The following VAMP8 variants were observed in gnomAD, a reference collection of about 807,000 sequenced individuals.
VAMP8 encodes vesicle-associated membrane protein 8.
Under a neutral mutation model 11.4 loss-of-function variants are expected in VAMP8, and 9 were observed. The observed-to-expected ratio is 0.79, with a 90% CI of 0.48 to 1.38. VAMP8 has a LOEUF of 1.38. Among genes scored for constraint, VAMP8 ranks in the 40% most tolerant of loss-of-function variants. The probability of loss-of-function intolerance (pLI) is 0.00; values close to 1 mark genes in which losing one functional copy is unlikely to be tolerated. For synonymous variants in VAMP8, 42 were observed against 44.7 expected, an observed-to-expected ratio of 0.94 and a Z score of 0.24; for missense variants, 108 against 127.8, an observed-to-expected ratio of 0.85 and a Z score of 0.75.
At position 85,579,834 on chromosome 2, in the gene VAMP8, G is replaced by C. The variant is rs956002372; in HGVS notation, c.162+667G>C. On this transcript the variant is annotated intron_variant, in intron 2 of 2. Coordinates refer to ENST00000263864, the MANE Select transcript of VAMP8 (RefSeq NM_003761.5). Reference sequence around the variant, plus strand: ...AGTTCTGTGTTCAGCGGGGAGGCTGGCTCTGGCTTTCTGAGTCCTGTGTGA... The same window carrying C: ...AGTTCTGTGTTCAGCGGGGAGGCTGCCTCTGGCTTTCTGAGTCCTGTGTGA... The C allele has an allele frequency of 3.2e-6, 5 of 1,550,536 alleles. No individual in the cohort carries two copies. The African/African-American group carries it at 6.8e-5, about 21-fold the overall frequency.
chr2:85,580,302 G>C (rs1672349165), intron 2 of VAMP8, among the ~76,000 whole-genome samples: 1 of 152,176 alleles, frequency 6.6e-6, no homozygotes, highest in South Asian at 2.1e-4. Context: ...GCATGGGGAA[G>C]AGTGGGTGGA....
chr2:85,578,744 G>A (rs982837327), intron 1 of VAMP8, among the ~76,000 whole-genome samples: 8 of 152,186 alleles, frequency 5.3e-5, no homozygotes, highest in African/African-American at 1.7e-4. Context: ...ATTTAGTGAT[G>A]TGCTGCTTTT....
At chr2:85,580,958 C>T (rs1467116162) in intron 2 of VAMP8, among the ~76,000 whole-genome samples, 2 of 152,048 alleles carry the variant, frequency 1.3e-5, no homozygotes, top group Middle Eastern at 3.4e-3. Flanking sequence ...CGTGAACCAC[C>T]GCACCCGGCC....
Position 85,579,185 on chromosome 2 carries a change from C to A in VAMP8, c.162+18C>A. 6.4e-7 allele frequency: 1 copy of A among 1,566,026 alleles called. No homozygotes were observed. Among genetic ancestry groups the A allele is most frequent in the South Asian group, 1.2e-5 (1 of 85,346 alleles). On this transcript the variant is annotated intron_variant, in intron 2 of 2. Coordinates refer to ENST00000263864, the MANE Select transcript of VAMP8 (RefSeq NM_003761.5). The stretch of plus-strand genomic sequence containing the variant: ...AAGCCACAGTGAGACAGGGAGCCCA[C>A]TGGGGGCTGGAGGAAAACAGGGAGG...
At chr2:85,580,276 T>C (rs975680275) in intron 2 of VAMP8, among the ~76,000 whole-genome samples, 3 of 152,088 alleles carry the variant, frequency 2.0e-5, no homozygotes, top group Non-Finnish European at 4.4e-5. Context: ...TTAGTGTCTA[T>C]AACTTGAATT....
chr2:85,580,054 C>T (rs769066922), intron 2 of VAMP8, among the ~76,000 whole-genome samples: 10 of 151,960 alleles, frequency 6.6e-5, no homozygotes, highest in Admixed American at 2.0e-4. Context: ...TGGGTTCAAA[C>T]GATTCTCGTG....
chr2:85,580,504 G>A (rs1289647273), intron 2 of VAMP8, among the ~76,000 whole-genome samples: 2 of 151,946 alleles, frequency 1.3e-5, no homozygotes, highest in Non-Finnish European at 2.9e-5. Flanking sequence ...GTGTAAGCAG[G>A]TGTCGAGGAC....
chr2:85,577,628 G>C lies in VAMP8; in HGVS notation c.-19G>C. Reference sequence around the variant, plus strand: ...ACTAGGCGAATTCACTTACTGACCGGCCTGGGCTGCTCTGAGACATGGTGA... The same window carrying C: ...ACTAGGCGAATTCACTTACTGACCGCCCTGGGCTGCTCTGAGACATGGTGA... On this transcript the variant is annotated 5_prime_UTR_variant, in exon 1 of 3. Transcript: ENST00000263864. 1.9e-6 allele frequency: 3 copies of C among 1,552,254 alleles called. No homozygotes were observed. The East Asian group carries it at 7.3e-5, about 38-fold the overall frequency.
At chr2:85,581,499 G>A (rs1032691633) in intron 2 of VAMP8, 77 bp from the exon 3 acceptor site, 102 of 1,562,676 alleles carry the variant, frequency 6.5e-5, no homozygotes, top group South Asian at 6.4e-4. Flanking sequence ...ATGGCCTGTG[G>A]GCTGCACTTG....
intron 2 of VAMP8, chr2:85,579,663 C>T (rs887388404): frequency 4.0e-6 from 6 of 1,505,190 alleles, no homozygotes; most frequent in African/African-American, 2.8e-5. Flanking sequence ...ATGCTTTGAT[C>T]CCAGGGTCCC....
In VAMP8 at chr2:85,581,760, C is replaced by A; in HGVS notation, c.*44C>A. The A allele has an allele frequency of 6.2e-7, 1 of 1,611,382 alleles. No homozygotes were observed. Among genetic ancestry groups the A allele is most frequent in the Non-Finnish European group, 8.5e-7 (1 of 1,178,242 alleles). On this transcript the variant is annotated 3_prime_UTR_variant, in exon 3 of 3. Transcript: ENST00000263864. Reference sequence around the variant, plus strand: ...CACCTGCCCTTCTCTTCAGGGACAACCCTCCATAAATGTGTGCCAAGAGGG... The same window carrying A: ...CACCTGCCCTTCTCTTCAGGGACAAACCTCCATAAATGTGTGCCAAGAGGG...
At chr2:85,580,417 C>T (rs1672352677) in intron 2 of VAMP8, among the ~76,000 whole-genome samples, 1 of 152,050 alleles carries the variant, frequency 6.6e-6, no homozygotes, top group African/African-American at 2.4e-5. Flanking sequence ...GAGATGTGCC[C>T]ACCTGGAGCC....
intron 2 of VAMP8, chr2:85,579,827 G>T: frequency 6.4e-7 from 1 of 1,550,708 alleles, no homozygotes; most frequent in South Asian, 1.2e-5. Flanking sequence ...GTTCAGCGGG[G>T]AGGCTGGCTC....
intron 2 of VAMP8, chr2:85,579,946 A>G: frequency 6.7e-7 from 1 of 1,485,882 alleles, no homozygotes; most frequent in Non-Finnish European, 8.9e-7. Flanking sequence ...TTTGGGGAGC[A>G]TGGCCCCGGG....
chr2:85,577,765 C>T (rs1290759873), intron 1 of VAMP8, 116 bp downstream of exon 1: 3 of 1,420,394 alleles, frequency 2.1e-6, no homozygotes, highest in African/African-American at 2.8e-5. Context: ...GAGGGCTGGG[C>T]CAGTGCTGCT....
intron 2 of VAMP8, chr2:85,579,787 T>C (rs753955020): frequency 1.3e-6 from 2 of 1,550,686 alleles, no homozygotes; most frequent in South Asian, 2.4e-5. Flanking sequence ...AACTCCAAAG[T>C]TGAGCAAAGT....
At chr2:85,577,928 A>G (rs1672307867) in intron 1 of VAMP8, among the ~76,000 whole-genome samples, 1 of 152,132 alleles carries the variant, frequency 6.6e-6, no homozygotes, top group Admixed American at 6.5e-5. Context: ...TTCCAGGCAA[A>G]GAGTTGTTGT....
At chr2:85,580,514 C>A (rs899302802) in intron 2 of VAMP8, among the ~76,000 whole-genome samples, 7 of 151,934 alleles carry the variant, frequency 4.6e-5, no homozygotes, top group Non-Finnish European at 1.0e-4. Flanking sequence ...GTGTCGAGGA[C>A]CCCTCAGTGT....
chr2:85,580,904 G>A (rs955210500), intron 2 of VAMP8, among the ~76,000 whole-genome samples: 14 of 151,636 alleles, frequency 9.2e-5, no homozygotes, highest in African/African-American at 3.4e-4. Flanking sequence ...ACTGACCTCA[G>A]GTGATCCACC....
Sources: gnomAD v4.1 joint callset for allele counts (sites outside exome capture counted in the v4.1 genomes callset) on GRCh38, gnomAD v4.1.1 for gene constraint, MANE v1.5 for transcripts, NCBI Gene and HGNC (gene_info 2026-07-23, HGNC 2026-07-21) for gene names.